The following GRB2 variants were observed in gnomAD, a reference collection of about 807,000 sequenced individuals.
GRB2 encodes the protein growth factor receptor bound protein 2.
GRB2 carries 2 observed loss-of-function variants against 27.4 expected under a neutral mutation model. The observed-to-expected ratio is 0.07, with a 90% CI of 0.03 to 0.23. The LOEUF is 0.23. GRB2 is among the 10% of genes least tolerant of loss of function. The probability of loss-of-function intolerance (pLI) is 1.00; values close to 1 mark genes in which losing one functional copy is unlikely to be tolerated. For synonymous variants in GRB2, 94 were observed against 99.6 expected, an observed-to-expected ratio of 0.94 and a Z score of 0.33; for missense variants, 102 against 282.4, an observed-to-expected ratio of 0.36 and a Z score of 4.58.
Position 75,350,712 on chromosome 17 carries a change from T to G in GRB2, c.79-17915A>C, listed in dbSNP as rs541594392. ...TTTCACCGTGTTAGCCAGGATGGTC[T>G]CGATCTCCTGACCTCGTGATCCGCC... On this transcript the variant is annotated intron_variant, in intron 2 of 5. Coordinates refer to ENST00000316804, the MANE Select transcript of GRB2 (RefSeq NM_002086.5). Among the ~76,000 whole-genome samples the G allele has an allele frequency of 2.6e-5, 4 of 152,274 alleles. No homozygotes were observed. In the South Asian group the frequency reaches 8.3e-4, roughly 32 times the overall value.
intron 2 of GRB2, among the ~76,000 whole-genome samples, chr17:75,368,236 CAG>C (rs1333036562): frequency 8.1e-6 from 1 of 123,652 alleles, no homozygotes; most frequent in Non-Finnish European, 1.7e-5. Context: ...TTTTTTGAGA[CAG>C]AGTCTCTCAC....
intron 1 of GRB2, among the ~76,000 whole-genome samples, chr17:75,398,872 C>G (rs1175367523): frequency 6.6e-6 from 1 of 152,068 alleles, no homozygotes; most frequent in African/African-American, 2.4e-5. Flanking sequence ...CTCAGCCTCC[C>G]AAGTAGCTGG....
chr17:75,378,032 C>T (rs933412443), intron 2 of GRB2, among the ~76,000 whole-genome samples: 20 of 152,042 alleles, frequency 1.3e-4, no homozygotes, highest in Non-Finnish European at 2.8e-4. Flanking sequence ...CCAGGCCTTC[C>T]AATAAACCTT....
chr17:75,367,055 G>C (rs2078824503), intron 2 of GRB2, among the ~76,000 whole-genome samples: 1 of 152,062 alleles, frequency 6.6e-6, no homozygotes, highest in South Asian at 2.1e-4. Context: ...ATCATTTATA[G>C]GGCCACACTA....
chr17:75,352,328 G>C (rs139357344), intron 2 of GRB2, among the ~76,000 whole-genome samples: 688 of 152,302 alleles, frequency 4.5e-3, no homozygotes, highest in African/African-American at 0.016. Flanking sequence ...TGAAAAATCA[G>C]CACTTTTGTC....
Position 75,332,685 on chromosome 17 carries a change from T to G in GRB2, c.176+15A>C. 1 of 1,501,432 alleles carries G rather than the reference T, an allele frequency of 6.7e-7. No individual in the cohort carries two copies. The highest frequency in any genetic ancestry group is 9.3e-7 in the Non-Finnish European group (1 of 1,078,850). The allele number at this position is 1,501,432 out of a possible 1,614,324, so 93.0% of individuals were successfully genotyped here. The stretch of plus-strand genomic sequence containing the variant: ...GTGGGTCCAACCCTTCCAAGACTAA[T>G]GGAGCTTAACTTACGGATGTGGTTT... On this transcript the variant is annotated intron_variant, in intron 3 of 5. Transcript: ENST00000316804.
intron 2 of GRB2, chr17:75,371,596 G>A (rs566715270): frequency 2.0e-5 from 3 of 152,008 alleles, no homozygotes; most frequent in African/African-American, 4.8e-5. Context: ...AATGGTGCTC[G>A]GGGCAGCAAA....
intron 2 of GRB2, among the ~76,000 whole-genome samples, chr17:75,366,293 AAC>A (rs895776499): frequency 7.7e-6 from 1 of 130,130 alleles, no homozygotes; most frequent in African/African-American, 2.9e-5. Context: ...AGGCTAGTAT[AAC>A]ACATTCTGTT....
chr17:75,374,024 T>C (rs529775761), intron 2 of GRB2, among the ~76,000 whole-genome samples: 54 of 151,840 alleles, frequency 3.6e-4, no homozygotes, highest in African/African-American at 1.3e-3. Flanking sequence ...CTCAATCTCC[T>C]GACCTCACGA....
chr17:75,347,575 G>A (rs2078663443), intron 2 of GRB2, among the ~76,000 whole-genome samples: 1 of 152,122 alleles, frequency 6.6e-6, no homozygotes, highest in Non-Finnish European at 1.5e-5. Context: ...CTCCGCTCCT[G>A]AAAGCTGTTC....
At chr17:75,327,440 G>A (rs2078506523) in intron 3 of GRB2, among the ~76,000 whole-genome samples, 1 of 146,256 alleles carries the variant, frequency 6.8e-6, no homozygotes, top group Non-Finnish European at 1.5e-5. Flanking sequence ...GCACGATCTC[G>A]GCTCACTGCA....
At chr17:75,322,320 TGAG>T (rs1270274022) in intron 4 of GRB2, among the ~76,000 whole-genome samples, 2 of 146,526 alleles carry the variant, frequency 1.4e-5, no homozygotes, top group Non-Finnish European at 3.0e-5. Context: ...TGTGGTGAGC[TGAG>T]ATCGCGCCAT....
At chr17:75,346,515 T>C (rs965176746) in intron 2 of GRB2, among the ~76,000 whole-genome samples, 6 of 149,808 alleles carry the variant, frequency 4.0e-5, no homozygotes. Context: ...AAGACAGGTA[T>C]CAATCTTATG....
At chr17:75,348,373 A>C (rs2078667722) in intron 2 of GRB2, among the ~76,000 whole-genome samples, 1 of 152,130 alleles carries the variant, frequency 6.6e-6, no homozygotes, top group Non-Finnish European at 1.5e-5. Context: ...AAAGTTGAGA[A>C]AGGGGGTGAA....
At position 75,332,400 on chromosome 17, in the gene GRB2, G is replaced by A. The variant is rs139445834; in HGVS notation, c.176+300C>T. Among the ~76,000 whole-genome samples the A allele has an allele frequency of 2.1e-3, 317 of 152,160 alleles. 2 individuals carry two copies. In the Middle Eastern group the frequency reaches 0.041, roughly 20 times the overall value. On this transcript the variant is annotated intron_variant, in intron 3 of 5. Transcript: ENST00000316804. Reference sequence around the variant, plus strand: ...TTTTCTAAAACTCAAAAAAAATGCAGAATTATAAAACACATCTGGCTCTAA... The same window carrying A: ...TTTTCTAAAACTCAAAAAAAATGCAAAATTATAAAACACATCTGGCTCTAA...
At chr17:75,351,842 A>G (rs1038951376) in intron 2 of GRB2, among the ~76,000 whole-genome samples, 5 of 152,204 alleles carry the variant, frequency 3.3e-5, no homozygotes, top group African/African-American at 1.2e-4. Context: ...TCAAATAAAT[A>G]TATAGAAAAT....
chr17:75,350,704 G>A (rs1452178981), intron 2 of GRB2, among the ~76,000 whole-genome samples: 1 of 152,160 alleles, frequency 6.6e-6, no homozygotes. Flanking sequence ...GTGTTAGCCA[G>A]GATGGTCTCG....
chr17:75,345,841 G>C (rs960925618), intron 2 of GRB2, among the ~76,000 whole-genome samples: 17 of 152,094 alleles, frequency 1.1e-4, no homozygotes. Context: ...TCTCGGGGTG[G>C]GGGCTGCCTG....
intron 2 of GRB2, chr17:75,371,847 A>C (rs2078858670): frequency 6.6e-6 from 1 of 152,120 alleles, no homozygotes; most frequent in South Asian, 2.1e-4. Flanking sequence ...ATTATTTCTG[A>C]CATTACTGGC....
Sources: gnomAD v4.1 joint callset for allele counts (sites outside exome capture counted in the v4.1 genomes callset) on GRCh38, gnomAD v4.1.1 for gene constraint, MANE v1.5 for transcripts, NCBI Gene and HGNC (gene_info 2026-07-23, HGNC 2026-07-21) for gene names.